The following PWWP2B variants were observed in gnomAD, a reference collection of about 807,000 sequenced individuals.
PWWP2B encodes the protein PWWP domain containing 2B.
PWWP2B carries 9 observed loss-of-function variants against 15.5 expected under a neutral mutation model. The observed-to-expected ratio is 0.58, with a 90% CI of 0.35 to 1.02. The LOEUF is 1.02. Among genes scored for constraint, PWWP2B ranks in the 50% least tolerant of loss-of-function variants. The pLI, the probability that PWWP2B is intolerant of heterozygous loss-of-function variation, is 0.02. For missense variants in PWWP2B, 864 were observed against 865.3 expected (o/e 1.00, Z 0.02); for synonymous variants, 474 against 403.6 (o/e 1.17, Z -2.09).
Position 132,417,302 on chromosome 10 carries a change from C to A in PWWP2B, c.*258C>A, listed in dbSNP as rs146323394. On this transcript the variant is annotated 3_prime_UTR_variant, in exon 3 of 3. Transcript: ENST00000305233. Reference sequence around the variant, plus strand: ...TGGCTGCCCTGGCTCACGAGGCAGTCGGGACTCGTGACTTGCTGGCTGCTG... The same window carrying A: ...TGGCTGCCCTGGCTCACGAGGCAGTAGGGACTCGTGACTTGCTGGCTGCTG... 1,150 of 555,038 alleles carry A rather than the reference C, an allele frequency of 2.1e-3. 23 individuals are homozygous for A. In the East Asian group the frequency reaches 0.032, roughly 16 times the overall value. The allele number at this position is 555,038 out of a possible 1,614,324, so 34.4% of individuals were successfully genotyped here.
intron 1 of PWWP2B, among the ~76,000 whole-genome samples, chr10:132,398,525 C>T (rs1460669852): frequency 6.6e-6 from 1 of 152,244 alleles, no homozygotes; most frequent in East Asian, 1.9e-4. Flanking sequence ...CAGACCTGCA[C>T]CACCTTGCCT....
At chr10:132,408,929 C>A (rs77066477) in intron 2 of PWWP2B, among the ~76,000 whole-genome samples, 5,228 of 152,318 alleles carry the variant, frequency 0.034, 156 homozygotes, top group Non-Finnish European at 0.049. Context: ...ACATCGGCCT[C>A]AGCAGGGGCC....
At chr10:132,408,499 C>A (rs1035277325) in intron 2 of PWWP2B, among the ~76,000 whole-genome samples, 1 of 152,094 alleles carries the variant, frequency 6.6e-6, no homozygotes, top group Non-Finnish European at 1.5e-5. Flanking sequence ...GAGGGAGGGG[C>A]GGGAGGAGGA....
At chr10:132,416,317 C>T (rs1321825318) in intron 2 of PWWP2B, among the ~76,000 whole-genome samples, 3 of 152,178 alleles carry the variant, frequency 2.0e-5, no homozygotes, top group African/African-American at 7.2e-5. Context: ...CGTCCCTGTG[C>T]TCTCCACCCA....
intron 1 of PWWP2B, among the ~76,000 whole-genome samples, chr10:132,399,033 T>C (rs1432050311): frequency 4.1e-5 from 6 of 144,964 alleles, no homozygotes; most frequent in Non-Finnish European, 9.2e-5. Flanking sequence ...CTGAGGCTTG[T>C]CCTGGAAGGA....
chr10:132,416,484 C>T (rs1160072128), intron 2 of PWWP2B, among the ~76,000 whole-genome samples: 1 of 152,204 alleles, frequency 6.6e-6, no homozygotes, highest in Non-Finnish European at 1.5e-5. Context: ...CCATCCGGGG[C>T]CTGCGTGGGC....
chr10:132,404,265 T>C (rs2069651682), intron 1 of PWWP2B, among the ~76,000 whole-genome samples: 1 of 151,910 alleles, frequency 6.6e-6, no homozygotes, highest in African/African-American at 2.4e-5. Flanking sequence ...GCCAGACCCC[T>C]CCCCGGGCCA....
At chr10:132,404,574 G>T in intron 1 of PWWP2B, 52 bp from the exon 2 acceptor site, 1 of 1,499,924 alleles carries the variant, frequency 6.7e-7, no homozygotes. Context: ...GGTGCGGGTG[G>T]CAGATGTGCC....
Position 132,404,799 on chromosome 10 carries a change from A to AGCCCCCCCCCCCCCCCCG in PWWP2B, c.302_303insCCCCCCCCCCCCCCGGCC (p.Pro104_Leu105insProArgProProProPro). On this transcript the variant is annotated inframe_insertion, in exon 2 of 3. Coordinates refer to ENST00000305233, the MANE Select transcript of PWWP2B (RefSeq NM_138499.4). The stretch of plus-strand genomic sequence containing the variant: ...CAGCCCCCCGAGACCACCCGCCCCG[A>AGCCCCCCCCCCCCCCCCG]GCCACCCCCGCCCCTCGTGCCGCCG... 1 of 1,046,820 alleles carries AGCCCCCCCCCCCCCCCCG rather than the reference A, an allele frequency of 9.6e-7. No individual in the cohort carries two copies. The highest frequency in any genetic ancestry group is 1.3e-6 in the Non-Finnish European group (1 of 753,816). 64.8% of individuals were successfully genotyped at this position (1,046,820 alleles called of 1,614,324 possible).
chr10:132,400,624 G>A (rs2069603755), intron 1 of PWWP2B, among the ~76,000 whole-genome samples: 1 of 152,194 alleles, frequency 6.6e-6, no homozygotes, highest in African/African-American at 2.4e-5. Context: ...CCCCCAGCAG[G>A]CCTGACCTGC....
At position 132,404,751 on chromosome 10, in the gene PWWP2B, C is replaced by T. The variant is rs762917473; in HGVS notation, c.251C>T (p.Ser84Phe). ...DAEVMQLGSS[S>F]PPPARGVQPP... Reference sequence around the variant, plus strand: ...GAGGTGATGCAGCTGGGGTCCAGCTCCCCCCCTCCTGCCCGCGGGGTTCAG... The same window carrying T: ...GAGGTGATGCAGCTGGGGTCCAGCTTCCCCCCTCCTGCCCGCGGGGTTCAG... The change falls in exon 2 of 3, where the codon TCC becomes TTC. Residue 84 changes from serine (S) to phenylalanine (F), a missense_variant. By Grantham distance (155) the Ser-to-Phe change is radical. This residue lies in a region of PWWP2B where 736 missense variants were observed against 687.7 expected (regional missense o/e 1.07). Coordinates refer to ENST00000305233, the MANE Select transcript of PWWP2B (RefSeq NM_138499.4). The T allele has an allele frequency of 1.3e-6, 2 of 1,585,642 alleles. No homozygotes were observed. Among genetic ancestry groups the T allele is most frequent in the Non-Finnish European group, 1.7e-6 (2 of 1,161,840 alleles).
Position 132,406,196 on chromosome 10 carries a change from G to A in PWWP2B, c.1696G>A (p.Ala566Thr). 1 of 1,613,266 alleles carries A rather than the reference G, an allele frequency of 6.2e-7. No homozygotes were observed. Among genetic ancestry groups the A allele is most frequent in the Non-Finnish European group, 8.5e-7 (1 of 1,179,978 alleles). Reference sequence around the variant, plus strand: ...TAAGAAGAAGGGGATGTATCGGAAAGCTATAACCGAGGCTGCAAATGCCGC... The same window carrying A: ...TAAGAAGAAGGGGATGTATCGGAAAACTATAACCGAGGCTGCAAATGCCGC... The part of the protein sequence containing the change: ...NRKKKGMYRK[A>T]ITEAANAARH... The change falls in exon 2 of 3, where the codon GCT (alanine) becomes ACT (threonine). Residue 566 changes from alanine (A) to threonine (T), a missense_variant. By Grantham distance (58) the Ala-to-Thr change is moderately conservative. Coordinates refer to ENST00000305233, the MANE Select transcript of PWWP2B (RefSeq NM_138499.4).
intron 1 of PWWP2B, among the ~76,000 whole-genome samples, chr10:132,398,438 C>A (rs1397489973): frequency 1.3e-5 from 2 of 152,240 alleles, no homozygotes; most frequent in East Asian, 3.9e-4. Flanking sequence ...GAGCTGCCAT[C>A]CCCTCCACCA....
intron 2 of PWWP2B, among the ~76,000 whole-genome samples, chr10:132,416,701 G>A (rs1317551121): frequency 3.3e-5 from 5 of 152,140 alleles, no homozygotes; most frequent in Non-Finnish European, 5.9e-5. Flanking sequence ...CCGGAGTCAT[G>A]TATGGGGGTC....
chr10:132,397,256 G>C lies in PWWP2B; in HGVS notation c.30G>C (p.Pro10=), dbSNP rs1318746362. MEPRAGCRL[P]VRVEQVVNGA... Reference sequence around the variant, plus strand: ...AGCCGCGCGCCGGCTGCCGGCTGCCGGTGCGGGTGGAGCAGGTCGTCAACG... The same window carrying C: ...AGCCGCGCGCCGGCTGCCGGCTGCCCGTGCGGGTGGAGCAGGTCGTCAACG... Residue 10 remains proline, a synonymous_variant, in exon 1 of 3, where the codon CCG becomes CCC. Transcript: ENST00000305233. 2.3e-6 allele frequency: 3 copies of C among 1,309,782 alleles called. No homozygotes were observed. Among genetic ancestry groups the C allele is most frequent in the Middle Eastern group, 2.9e-4 (1 of 3,466 alleles). The allele number at this position is 1,309,782 out of a possible 1,614,324, so 81.1% of individuals were successfully genotyped here. A position where few individuals can be genotyped will look rare whatever the true frequency, so the allele number is the denominator to read the frequency against.
At position 132,405,229 on chromosome 10, in the gene PWWP2B, G is replaced by A. The variant is rs760893725; in HGVS notation, c.729G>A (p.Pro243=). 23 of 1,602,936 alleles carry A rather than the reference G, an allele frequency of 1.4e-5. No individual in the cohort carries two copies. Among genetic ancestry groups the A allele is most frequent in the Middle Eastern group, 3.6e-4 (2 of 5,506 alleles). The change falls in exon 2 of 3, where the codon CCG becomes CCA. Residue 243 remains proline (P), a synonymous_variant. Coordinates refer to ENST00000305233, the MANE Select transcript of PWWP2B (RefSeq NM_138499.4). ...KRERREEDRA[P]AEQVPRSPVI... The stretch of plus-strand genomic sequence containing the variant: ...AGAGGCGCGAGGAGGACAGGGCCCC[G>A]GCAGAGCAGGTCCCGCGGAGCCCGG...
Position 132,404,616 on chromosome 10 carries a change from C to T in PWWP2B, c.126-10C>T. The T allele has an allele frequency of 6.2e-7, 1 of 1,610,744 alleles. No homozygotes were observed. Among genetic ancestry groups the T allele is most frequent in the Non-Finnish European group, 8.5e-7 (1 of 1,178,046 alleles). On this transcript the variant is annotated splice_polypyrimidine_tract_variant and intron_variant, in intron 1 of 2. Coordinates refer to ENST00000305233, the MANE Select transcript of PWWP2B (RefSeq NM_138499.4). ...CCTTCTCACTGTGGTTTCTCTCTCT[C>T]CATTGCCAGGTCCGGCCTCTTTGGC...
chr10:132,403,231 C>T (rs2069635654), intron 1 of PWWP2B, among the ~76,000 whole-genome samples: 1 of 152,210 alleles, frequency 6.6e-6, no homozygotes, highest in African/African-American at 2.4e-5. Flanking sequence ...GAGCAGAACC[C>T]CCCGCCCCGT....
chr10:132,415,888 C>T (rs1670006289), intron 2 of PWWP2B, among the ~76,000 whole-genome samples: 1 of 152,166 alleles, frequency 6.6e-6, no homozygotes, highest in South Asian at 2.1e-4. Context: ...AAATTGTTTA[C>T]AGTGTTGTCA....
Sources: gnomAD v4.1 joint callset for allele counts (sites outside exome capture counted in the v4.1 genomes callset) on GRCh38, gnomAD v4.1.1 for gene constraint, gnomAD v4.1.1 regional missense constraint, MANE v1.5 for transcripts, NCBI Gene and HGNC (gene_info 2026-07-23, HGNC 2026-07-21) for gene names.